The following VOPP1 variants were observed in gnomAD, a reference collection of about 807,000 sequenced individuals.
VOPP1 encodes the protein WW domain binding protein VOPP1.
VOPP1 carries 8 observed loss-of-function variants against 23.5 expected under a neutral mutation model. The ratio of observed to expected loss-of-function variants is 0.34; its 90% CI spans 0.20 to 0.61. The LOEUF (loss-of-function observed/expected upper bound fraction) is 0.61, where lower values mean the gene tolerates loss of function less well. Ranked by LOEUF, VOPP1 falls within the 20% of genes least tolerant of loss-of-function variation. The pLI is 0.78. For synonymous variants in VOPP1, 83 were observed against 97.3 expected, an observed-to-expected ratio of 0.85 and a Z score of 0.86; for missense variants, 174 against 238.1, an observed-to-expected ratio of 0.73 and a Z score of 1.77.
intron 2 of VOPP1, among the ~76,000 whole-genome samples, chr7:55,510,095 T>C (rs1459454745): frequency 6.6e-6 from 1 of 152,236 alleles, no homozygotes; most frequent in Non-Finnish European, 1.5e-5. Flanking sequence ...TTTTTATTTC[T>C]GCAACCAGTT....
At chr7:55,528,203 A>G (rs930342685) in intron 1 of VOPP1, among the ~76,000 whole-genome samples, 2 of 152,190 alleles carry the variant, frequency 1.3e-5, no homozygotes, top group Non-Finnish European at 2.9e-5. Context: ...TTTTGCTAAG[A>G]AAAAAAGGTC....
rs965860841 is a variant in VOPP1 at position 55,535,501 on chromosome 7, C to G, written c.55-14371G>C. Among the ~76,000 whole-genome samples, 5 of 152,202 alleles carry G rather than the reference C, an allele frequency of 3.3e-5. No homozygotes were observed. In the East Asian group the frequency reaches 7.7e-4, roughly 23 times the overall value. Reference sequence around the variant, plus strand: ...CACATGCCATTGGCTCTTCCTGTCTCTGCCGCTCCTCCCAGTCCCCCGCCC... The same window carrying G: ...CACATGCCATTGGCTCTTCCTGTCTGTGCCGCTCCTCCCAGTCCCCCGCCC... On this transcript the variant is annotated intron_variant, in intron 1 of 4. Transcript: ENST00000285279.
At chr7:55,564,048 G>A (rs946467375) in intron 1 of VOPP1, among the ~76,000 whole-genome samples, 1 of 152,100 alleles carries the variant, frequency 6.6e-6, no homozygotes, top group East Asian at 1.9e-4. Context: ...AAGAACAGAG[G>A]TTGCAGAGAT....
At chr7:55,555,888 G>A (rs944463530) in intron 1 of VOPP1, among the ~76,000 whole-genome samples, 2 of 152,154 alleles carry the variant, frequency 1.3e-5, no homozygotes, top group South Asian at 4.1e-4. Flanking sequence ...GATGAACACA[G>A]CACAAAGCAA....
At chr7:55,537,806 A>G (rs964599720) in intron 1 of VOPP1, 2 of 979,578 alleles carry the variant, frequency 2.0e-6, no homozygotes, top group African/African-American at 3.3e-5. Flanking sequence ...CACAGCCCCC[A>G]CTTCCCCTCC....
At chr7:55,473,476 T>C (rs375724888) in intron 4 of VOPP1, among the ~76,000 whole-genome samples, 7 of 152,326 alleles carry the variant, frequency 4.6e-5, no homozygotes, top group African/African-American at 1.7e-4. Flanking sequence ...GCCGGGCTAG[T>C]GTGCCCTCAG....
chr7:55,499,041 TAC>T (rs1794180953), intron 2 of VOPP1, among the ~76,000 whole-genome samples: 1 of 152,152 alleles, frequency 6.6e-6, no homozygotes, highest in African/African-American at 2.4e-5. Flanking sequence ...AGCATTCATG[TAC>T]AGTCTTCCCC....
intron 2 of VOPP1, among the ~76,000 whole-genome samples, chr7:55,511,290 G>C (rs182869882): frequency 7.2e-5 from 11 of 152,114 alleles, no homozygotes; most frequent in African/African-American, 2.7e-4. Context: ...GAGAGCAGTC[G>C]GACGGTATTT....
At chr7:55,525,809 A>G (rs1796157252) in intron 1 of VOPP1, among the ~76,000 whole-genome samples, 1 of 151,918 alleles carries the variant, frequency 6.6e-6, no homozygotes, top group Admixed American at 6.5e-5. Context: ...AAAAAAAAAA[A>G]AAAAAAACCT....
intron 1 of VOPP1, among the ~76,000 whole-genome samples, chr7:55,571,413 T>C (rs1798349445): frequency 6.6e-6 from 1 of 152,220 alleles, no homozygotes. Context: ...TCTTTTGACT[T>C]CATTAATTTA....
intron 1 of VOPP1, among the ~76,000 whole-genome samples, chr7:55,547,272 C>G (rs1797406610): frequency 6.6e-6 from 1 of 152,128 alleles, no homozygotes; most frequent in South Asian, 2.1e-4. Flanking sequence ...AACAGGACCC[C>G]AACAGGACTG....
At chr7:55,563,151 G>A (rs542821865) in intron 1 of VOPP1, among the ~76,000 whole-genome samples, 2 of 151,506 alleles carry the variant, frequency 1.3e-5, no homozygotes, top group Non-Finnish European at 2.9e-5. Context: ...TTTTTTGGAG[G>A]TATATCTGAG....
In VOPP1 at chr7:55,547,122, G is replaced by T. The variant is rs538544225; in HGVS notation, c.54+25149C>A. ...CAGCTGTTAAGACTTGGGAGAAGCC[G>T]ACAGAGCTGTAGGAGGGAGTGGTGG... On this transcript the variant is annotated intron_variant, in intron 1 of 4. Transcript: ENST00000285279. 2.0e-5 allele frequency among the ~76,000 whole-genome samples: 3 copies of T among 152,320 alleles called. No individual in the cohort carries two copies. In the South Asian group the frequency reaches 6.2e-4, roughly 32 times the overall value.
At chr7:55,525,685 G>T (rs752503465) in intron 1 of VOPP1, among the ~76,000 whole-genome samples, 15 of 146,744 alleles carry the variant, frequency 1.0e-4, no homozygotes, top group Non-Finnish European at 1.3e-4. Context: ...CTAGGCAGAA[G>T]CAATGCTACC....
chr7:55,445,983 A>G (rs1196034840), intron 4 of VOPP1, among the ~76,000 whole-genome samples: 6 of 144,268 alleles, frequency 4.2e-5, no homozygotes, highest in Admixed American at 1.5e-4. Context: ...GGAGGTATCC[A>G]GGTGAAACTT....
At chr7:55,444,086 G>C (rs1279911204) in intron 4 of VOPP1, among the ~76,000 whole-genome samples, 1 of 152,116 alleles carries the variant, frequency 6.6e-6, no homozygotes, top group African/African-American at 2.4e-5. Flanking sequence ...ATCTATTGCT[G>C]TGTGATAAAT....
intron 4 of VOPP1, among the ~76,000 whole-genome samples, chr7:55,464,756 G>A (rs1177709125): frequency 6.6e-6 from 1 of 152,202 alleles, no homozygotes; most frequent in African/African-American, 2.4e-5. Flanking sequence ...TCCCGGGGAA[G>A]GATGTAGTCT....
intron 4 of VOPP1, among the ~76,000 whole-genome samples, chr7:55,446,963 G>C (rs1481112158): frequency 3.3e-5 from 5 of 152,186 alleles, no homozygotes; most frequent in Non-Finnish European, 7.3e-5. Flanking sequence ...CTTTGTCACA[G>C]GATAGTTATT....
At chr7:55,562,667 G>T (rs1219247975) in intron 1 of VOPP1, among the ~76,000 whole-genome samples, 1 of 152,134 alleles carries the variant, frequency 6.6e-6, no homozygotes, top group Non-Finnish European at 1.5e-5. Flanking sequence ...AAGTAAGGAG[G>T]AATTCTTGCT....
Sources: gnomAD v4.1 joint callset for allele counts (sites outside exome capture counted in the v4.1 genomes callset) on GRCh38, gnomAD v4.1.1 for gene constraint, MANE v1.5 for transcripts, NCBI Gene and HGNC (gene_info 2026-07-23, HGNC 2026-07-21) for gene names.